The following ZNF385D variants were observed in gnomAD, a reference collection of about 807,000 sequenced individuals.
ZNF385D encodes the protein zinc finger protein 659.
A neutral mutation model predicts 35.8 loss-of-function variants in ZNF385D; 15 were observed. The observed-to-expected ratio is 0.42, with a 90% CI of 0.28 to 0.64. The LOEUF (loss-of-function observed/expected upper bound fraction) is 0.64. Ranked by LOEUF, ZNF385D falls within the 30% of genes least tolerant of loss-of-function variation. The pLI is 0.23. For missense variants in ZNF385D, 474 were observed against 494.6 expected, an observed-to-expected ratio of 0.96 and a Z score of 0.39; for synonymous variants, 212 against 186.8, an observed-to-expected ratio of 1.13 and a Z score of -1.10.
At chr3:21,549,334 C>G (rs1678780849) in intron 3 of ZNF385D, among the ~76,000 whole-genome samples, 1 of 152,162 alleles carries the variant, frequency 6.6e-6, no homozygotes, top group Admixed American at 6.5e-5. Context: ...TAGGTAGATT[C>G]CCGTGCTCTT....
At chr3:22,026,721 C>T (rs1295168412) in intron 3 of ZNF385D, among the ~76,000 whole-genome samples, 2 of 152,160 alleles carry the variant, frequency 1.3e-5, no homozygotes, top group Admixed American at 6.5e-5. Context: ...AAATGGAAGC[C>T]ATTAGAGCTG....
At chr3:21,775,147 C>T (rs924893405) in intron 3 of ZNF385D, among the ~76,000 whole-genome samples, 2 of 151,876 alleles carry the variant, frequency 1.3e-5, no homozygotes, top group Non-Finnish European at 2.9e-5. Flanking sequence ...ATCATCAAAA[C>T]TGTAAAGTAC....
At chr3:21,521,186 G>A (rs373047746) in intron 3 of ZNF385D, among the ~76,000 whole-genome samples, 23 of 152,314 alleles carry the variant, frequency 1.5e-4, no homozygotes, top group African/African-American at 5.3e-4. Context: ...ATGGCTTACA[G>A]TTGAGCCAAA....
intron 2 of ZNF385D, among the ~76,000 whole-genome samples, chr3:21,577,417 C>A (rs2063525686): frequency 6.6e-6 from 1 of 152,176 alleles, no homozygotes. Context: ...CATTGATGGA[C>A]ACCCAAGTTA....
At chr3:22,030,707 C>A (rs1697949187) in intron 3 of ZNF385D, among the ~76,000 whole-genome samples, 1 of 152,082 alleles carries the variant, frequency 6.6e-6, no homozygotes, top group Non-Finnish European at 1.5e-5. Flanking sequence ...CCTGGCCCCT[C>A]CTAAATCTCA....
At chr3:21,618,489 G>A (rs557445235) in intron 2 of ZNF385D, among the ~76,000 whole-genome samples, 10 of 152,252 alleles carry the variant, frequency 6.6e-5, no homozygotes, top group Admixed American at 2.0e-4. Flanking sequence ...TCTACTCATC[G>A]TGTGGTAATT....
At chr3:21,744,289 C>G (rs1024227699) in intron 1 of ZNF385D, among the ~76,000 whole-genome samples, 1 of 152,162 alleles carries the variant, frequency 6.6e-6, no homozygotes, top group African/African-American at 2.4e-5. Flanking sequence ...TGTAAGGGAT[C>G]ATGTTTATTA....
intron 3 of ZNF385D, among the ~76,000 whole-genome samples, chr3:21,797,532 CA>C (rs1443257249): frequency 6.6e-6 from 1 of 152,208 alleles, no homozygotes; most frequent in African/African-American, 2.4e-5. Flanking sequence ...GAAAATTCTA[CA>C]AACAACTGTT....
chr3:22,325,689 C>T (rs933891424), intron 2 of ZNF385D, among the ~76,000 whole-genome samples: 4 of 151,928 alleles, frequency 2.6e-5, no homozygotes, highest in Non-Finnish European at 5.9e-5. Flanking sequence ...AACCCAGGGG[C>T]GGATGCCACA....
intron 3 of ZNF385D, among the ~76,000 whole-genome samples, chr3:21,856,652 T>G (rs1696730192): frequency 6.6e-6 from 1 of 152,032 alleles, no homozygotes; most frequent in Admixed American, 6.6e-5. Flanking sequence ...CACACACTCT[T>G]TCCACCATCG....
intron 2 of ZNF385D, among the ~76,000 whole-genome samples, chr3:21,654,027 C>A (rs956126310): frequency 1.3e-5 from 2 of 151,808 alleles, no homozygotes; most frequent in Admixed American, 6.6e-5. Flanking sequence ...TATGTGATTT[C>A]TTTAAAGAAA....
rs568174426 is a variant in ZNF385D, at chr3:21,473,838, T to A, written c.440-36635A>T. ...AGACACTTTTCCTGGTTAATCAATC[T>A]AATTTAGACGCTCACCCATTTTCTT... On this transcript the variant is annotated intron_variant, in intron 4 of 7. Coordinates refer to ENST00000281523, the MANE Select transcript of ZNF385D (RefSeq NM_024697.3). Among the ~76,000 whole-genome samples, 5 of 152,248 alleles carry A rather than the reference T, an allele frequency of 3.3e-5. No homozygotes were observed. In the East Asian group the frequency reaches 9.6e-4, roughly 29 times the overall value.
At chr3:22,250,652 C>G (rs1300672925) in intron 2 of ZNF385D, among the ~76,000 whole-genome samples, 1 of 151,662 alleles carries the variant, frequency 6.6e-6, no homozygotes, top group African/African-American at 2.4e-5. Flanking sequence ...GAATATTAAA[C>G]AAAGCACAGG....
At chr3:21,511,665 G>T (rs745816205) in intron 3 of ZNF385D, 4 of 455,178 alleles carry the variant, frequency 8.8e-6, no homozygotes, top group Non-Finnish European at 1.8e-5. Context: ...TTTTTTCAGC[G>T]CATGGATCTT....
chr3:22,089,541 G>C lies in ZNF385D; in HGVS notation c.325+79276C>G, dbSNP rs188900408. On this transcript the variant is annotated intron_variant, in intron 3 of 5. Coordinates refer to the ZNF385D transcript ENST00000494108. Reference sequence around the variant, plus strand: ...GGCTTCTGTAAGTGTGCTTTTAACAGTGGCTGGTGACCAGCAGCACACAGT... The same window carrying C: ...GGCTTCTGTAAGTGTGCTTTTAACACTGGCTGGTGACCAGCAGCACACAGT... Among the ~76,000 whole-genome samples the C allele has an allele frequency of 6.6e-5, 10 of 152,296 alleles. No homozygotes were observed. In the East Asian group the frequency reaches 1.9e-3, roughly 30 times the overall value.
Position 21,868,158 on chromosome 3 carries a change from CAG to C in ZNF385D, c.326-203132_326-203131del, listed in dbSNP as rs142323483. 3.7e-3 allele frequency among the ~76,000 whole-genome samples: 558 copies of C among 152,198 alleles called. 2 individuals are homozygous for C. The highest frequency in any genetic ancestry group is 0.013 in the African/African-American group (523 of 41,550). On this transcript the variant is annotated intron_variant, in intron 3 of 5. Transcript: ENST00000494108. Reference sequence around the variant, plus strand: ...AGTTGGCAAACATTTTCTGTAGAGTCAGAGAGTATTTTAAGCTCGTGCACGAT... The same window carrying C: ...AGTTGGCAAACATTTTCTGTAGAGTCAGAGTATTTTAAGCTCGTGCACGAT...
rs200074769 is a variant in ZNF385D at position 22,191,489 on chromosome 3, GAA to G, written c.107-22456_107-22455del. Among the ~76,000 whole-genome samples the G allele has an allele frequency of 1.4e-3, 147 of 107,362 alleles. 1 individual carries two copies. Among genetic ancestry groups the G allele is most frequent in the Middle Eastern group, 0.011 (2 of 186 alleles). 70.4% of individuals were successfully genotyped at this position (107,362 alleles called of 152,430 possible). A position where few individuals can be genotyped will look rare whatever the true frequency, so the allele number is the denominator to read the frequency against. On this transcript the variant is annotated intron_variant, in intron 2 of 5. Coordinates refer to the ZNF385D transcript ENST00000494108. ...GCAACAAGAGTGAAACTCCATCTAA[GAA>G]AAAAAAAAAAAAAAGGACAATTTTT...
At chr3:21,896,126 C>G (rs1699122212) in intron 3 of ZNF385D, among the ~76,000 whole-genome samples, 1 of 151,994 alleles carries the variant, frequency 6.6e-6, no homozygotes, top group Non-Finnish European at 1.5e-5. Context: ...GACAATATGA[C>G]AGTAAGAGAG....
intron 4 of ZNF385D, among the ~76,000 whole-genome samples, chr3:21,445,048 G>A (rs187466370): frequency 1.0e-3 from 157 of 152,292 alleles, no homozygotes; most frequent in Middle Eastern, 3.4e-3. Context: ...GTCTTGACAC[G>A]AATTGTCCAG....
Sources: allele counts gnomAD v4.1 joint callset (sites outside exome capture counted in the v4.1 genomes callset), GRCh38; gene constraint gnomAD v4.1.1; transcripts MANE v1.5; gene names NCBI Gene and HGNC (gene_info 2026-07-23, HGNC 2026-07-21).